Variants in SLC16A7 observed in about 807,000 individuals in gnomAD.
SLC16A7 encodes monocarboxylate transporter 2.
Under a neutral mutation model 34.9 loss-of-function variants are expected in SLC16A7, and 33 were observed. The ratio of observed to expected loss-of-function variants is 0.94; its 90% CI spans 0.72 to 1.26. The LOEUF (loss-of-function observed/expected upper bound fraction) is 1.26. Among genes scored for constraint, SLC16A7 ranks in the 50% most tolerant of loss-of-function variants. The pLI is 0.00. For missense variants in SLC16A7, 573 were observed against 578.1 expected (o/e 0.99, Z 0.09); for synonymous variants, 201 against 206.6 (o/e 0.97, Z 0.23).
At chr12:59,614,965 T>G (rs1032160929) in intron 1 of SLC16A7, among the ~76,000 whole-genome samples, 2 of 150,898 alleles carry the variant, frequency 1.3e-5, no homozygotes, top group Non-Finnish European at 2.9e-5. Flanking sequence ...ATCGCACCAC[T>G]GCACTCCAGC....
At chr12:59,717,716 G>A (rs1875085823) in intron 3 of SLC16A7, among the ~76,000 whole-genome samples, 1 of 152,086 alleles carries the variant, frequency 6.6e-6, no homozygotes, top group South Asian at 2.1e-4. Context: ...TCACCTCTGT[G>A]CCCTATAAAC....
intron 1 of SLC16A7, among the ~76,000 whole-genome samples, chr12:59,607,974 T>C (rs974140690): frequency 6.6e-6 from 1 of 152,234 alleles, no homozygotes. Flanking sequence ...TTCAGAAGTT[T>C]ATAAAAGTGA....
chr12:59,658,625 A>G (rs1274001929), intron 2 of SLC16A7, among the ~76,000 whole-genome samples: 1 of 151,998 alleles, frequency 6.6e-6, no homozygotes, highest in African/African-American at 2.4e-5. Flanking sequence ...AAATCAGTAT[A>G]GAGGGAAGCT....
intron 1 of SLC16A7, among the ~76,000 whole-genome samples, chr12:59,598,448 A>G (rs1452132210): frequency 1.3e-5 from 2 of 152,110 alleles, no homozygotes; most frequent in South Asian, 2.1e-4. Context: ...ATAGTCAGTC[A>G]TTCAGGTTAA....
chr12:59,687,204 T>C (rs1871229696), intron 2 of SLC16A7, among the ~76,000 whole-genome samples: 2 of 151,838 alleles, frequency 1.3e-5, no homozygotes, highest in South Asian at 4.2e-4. Flanking sequence ...TTTACCAGGC[T>C]AAAGCTAAGT....
intron 1 of SLC16A7, among the ~76,000 whole-genome samples, chr12:59,613,620 T>C (rs1806018620): frequency 6.6e-6 from 1 of 152,194 alleles, no homozygotes; most frequent in African/African-American, 2.4e-5. Context: ...TCTGAAAAGA[T>C]ACACAATCAA....
rs1224114729 is a variant in SLC16A7, at chr12:59,782,176, T to C, written c.*2497T>C. ...CAGTAGCACTGCACAGTTACAAATA[T>C]GCACACACGTTAACTGCTATGCATA... On this transcript the variant is annotated 3_prime_UTR_variant, in exon 6 of 6. Transcript: ENST00000547379. 6.6e-6 allele frequency: 1 copy of C among 152,220 alleles called. No individual in the cohort carries two copies. Among genetic ancestry groups the C allele is most frequent in the Admixed American group, 6.5e-5 (1 of 15,272 alleles). The allele number at this position is 152,220 out of a possible 1,614,324, so 9.4% of individuals were successfully genotyped here.
At chr12:59,703,752 A>G (rs1173075038) in intron 2 of SLC16A7, among the ~76,000 whole-genome samples, 2 of 152,158 alleles carry the variant, frequency 1.3e-5, no homozygotes, top group African/African-American at 4.8e-5. Context: ...TAATTTGCCA[A>G]CAGAATAGAT....
At chr12:59,723,350 T>G (rs956454762) in intron 3 of SLC16A7, among the ~76,000 whole-genome samples, 5 of 152,076 alleles carry the variant, frequency 3.3e-5, no homozygotes, top group African/African-American at 1.2e-4. Flanking sequence ...TGTATTGAGA[T>G]CCTCCTGTGT....
chr12:59,616,807 C>T (rs1271771791), intron 1 of SLC16A7, among the ~76,000 whole-genome samples: 2 of 152,098 alleles, frequency 1.3e-5, no homozygotes, highest in South Asian at 2.1e-4. Flanking sequence ...TTTATTTTCA[C>T]ATTTTTCCCA....
chr12:59,700,565 G>T (rs1052651258), intron 2 of SLC16A7, among the ~76,000 whole-genome samples: 1 of 149,820 alleles, frequency 6.7e-6, no homozygotes, highest in Non-Finnish European at 1.5e-5. Context: ...TTTAGGTAAT[G>T]CAAATTTTAT....
chr12:59,685,496 T>C (rs1378693479), intron 2 of SLC16A7, among the ~76,000 whole-genome samples: 2 of 152,128 alleles, frequency 1.3e-5, no homozygotes. Flanking sequence ...GAAATACATT[T>C]TGGACTGTCT....
At position 59,732,123 on chromosome 12, in the gene SLC16A7, A is replaced by C. The variant is rs185422712; in HGVS notation, c.217+27105A>C. Among the ~76,000 whole-genome samples the C allele has an allele frequency of 1.6e-4, 25 of 152,226 alleles. No individual in the cohort carries two copies. In the East Asian group the frequency reaches 4.8e-3, roughly 29 times the overall value. The stretch of plus-strand genomic sequence containing the variant: ...ATTATTTGCATATAGTATACTTAAA[A>C]ATGCTAATTTTTGGCTGGGCACAGT... On this transcript the variant is annotated intron_variant, in intron 3 of 5. Coordinates refer to ENST00000547379, the MANE Select transcript of SLC16A7 (RefSeq NM_001270623.2).
In SLC16A7 at chr12:59,601,507, C is replaced by T. The variant is rs548623645; in HGVS notation, c.-130+5271C>T. 2.4e-3 allele frequency among the ~76,000 whole-genome samples: 371 copies of T among 152,216 alleles called. 3 individuals are homozygous for T. The highest frequency in any genetic ancestry group is 8.5e-3 in the African/African-American group (353 of 41,528). ...TTCAGTGATAAATGGCAGTCGGTGA[C>T]AGTATTTTTCAACAGGTGGGATTAT... is the stretch of plus-strand genomic sequence containing the variant. On this transcript the variant is annotated intron_variant, in intron 1 of 5. Transcript: ENST00000547379.
At chr12:59,774,313 G>A (rs550723986) in intron 4 of SLC16A7, among the ~76,000 whole-genome samples, 33 of 152,164 alleles carry the variant, frequency 2.2e-4, no homozygotes, top group Non-Finnish European at 3.7e-4. Flanking sequence ...TATGTCAAGA[G>A]GAAAGGATCT....
intron 2 of SLC16A7, among the ~76,000 whole-genome samples, chr12:59,684,920 CA>C (rs1424693402): frequency 6.6e-6 from 1 of 152,106 alleles, no homozygotes; most frequent in Non-Finnish European, 1.5e-5. Context: ...TGAGTAAAGA[CA>C]AAATGTTCCT....
intron 1 of SLC16A7, among the ~76,000 whole-genome samples, chr12:59,640,107 C>T (rs1880612634): frequency 6.6e-6 from 1 of 152,060 alleles, no homozygotes; most frequent in African/African-American, 2.4e-5. Flanking sequence ...GGTGGGGGTA[C>T]ACAGCTTTCA....
intron 2 of SLC16A7, among the ~76,000 whole-genome samples, chr12:59,702,210 C>A (rs1329448611): frequency 6.6e-6 from 1 of 151,980 alleles, no homozygotes; most frequent in South Asian, 2.1e-4. Flanking sequence ...TTCACTAATA[C>A]CTACAATATT....
At chr12:59,684,799 G>T (rs775080514) in intron 2 of SLC16A7, among the ~76,000 whole-genome samples, 13 of 152,118 alleles carry the variant, frequency 8.5e-5, no homozygotes, top group Non-Finnish European at 1.8e-4. Context: ...TTAGTATCAA[G>T]TTGATGCCTG....
Sources: gnomAD v4.1 joint callset for allele counts (sites outside exome capture counted in the v4.1 genomes callset) on GRCh38, gnomAD v4.1.1 for gene constraint, MANE v1.5 for transcripts, NCBI Gene and HGNC (gene_info 2026-07-23, HGNC 2026-07-21) for gene names.